The following SYNE2 variants were observed in gnomAD, a reference collection of about 807,000 sequenced individuals.
SYNE2 encodes the protein nesprin-2.
In SYNE2, 431 loss-of-function variants were observed where a neutral mutation model predicts 856.3. The observed-to-expected ratio is 0.50, with a 90% CI of 0.47 to 0.55. The LOEUF (loss-of-function observed/expected upper bound fraction) is 0.55. Ranked by LOEUF, SYNE2 falls within the 20% of genes least tolerant of loss-of-function variation. SYNE2 has a pLI of 0.00. For missense variants in SYNE2, 8,129 were observed against 8,023.2 expected (o/e 1.01, Z -0.50); for synonymous variants, 2,923 against 2,872.3 (o/e 1.02, Z -0.56).
intron 100 of SYNE2, among the ~76,000 whole-genome samples, chr14:64,206,521 T>A (rs958966466): frequency 6.6e-6 from 1 of 151,764 alleles, no homozygotes; most frequent in Non-Finnish European, 1.5e-5. Flanking sequence ...TTTTTAAAAA[T>A]TTTTTGAAAA....
chr14:63,853,381 G>A lies in SYNE2; in HGVS notation c.-52+238G>A, dbSNP rs923173255. Among the ~76,000 whole-genome samples the A allele has an allele frequency of 1.8e-4, 27 of 151,740 alleles. No individual in the cohort carries two copies. The East Asian group carries it at 3.1e-3, about 18-fold the overall frequency. ...CTTGTCAGCGGGCGGGGCGCTCCGG[G>A]GATTGGAGCGAGCGCCAGCGGGTGG... On this transcript the variant is annotated intron_variant, in intron 1 of 115. Coordinates refer to ENST00000555002, the MANE Select transcript of SYNE2 (RefSeq NM_182914.3).
At chr14:63,983,272 A>G (rs1379579472) in intron 17 of SYNE2, among the ~76,000 whole-genome samples, 1 of 152,222 alleles carries the variant, frequency 6.6e-6, no homozygotes, top group Non-Finnish European at 1.5e-5. Context: ...TTTATGAACA[A>G]TGCAGCTGTG....
intron 100 of SYNE2, among the ~76,000 whole-genome samples, chr14:64,207,070 A>C (rs1448446824): frequency 6.6e-6 from 1 of 152,206 alleles, no homozygotes; most frequent in African/African-American, 2.4e-5. Flanking sequence ...AGAGCTTTAA[A>C]GAAATCACCC....
At chr14:63,889,753 C>T (rs950181374) in intron 1 of SYNE2, among the ~76,000 whole-genome samples, 4 of 152,088 alleles carry the variant, frequency 2.6e-5, no homozygotes, top group African/African-American at 7.2e-5. Context: ...GCTGGGATTA[C>T]GGATGTGAGC....
intron 1 of SYNE2, among the ~76,000 whole-genome samples, chr14:63,847,340 C>G (rs1890260554): frequency 6.6e-6 from 1 of 151,522 alleles, no homozygotes; most frequent in African/African-American, 2.4e-5. Flanking sequence ...TGCTGTAGTC[C>G]CAGCTACTCA....
At chr14:63,810,037 CT>C (rs1260588315) in intron 1 of SYNE2, among the ~76,000 whole-genome samples, 2 of 152,128 alleles carry the variant, frequency 1.3e-5, no homozygotes, top group Non-Finnish European at 2.9e-5. Context: ...GCCTGGGCAA[CT>C]TAGCCAGACA....
intron 1 of SYNE2, among the ~76,000 whole-genome samples, chr14:63,881,280 A>G (rs2094857978): frequency 6.6e-6 from 1 of 152,074 alleles, no homozygotes; most frequent in Admixed American, 6.6e-5. Flanking sequence ...TACCCAGCCA[A>G]AGGAAACTTT....
chr14:64,113,388 G>A lies in SYNE2; in HGVS notation c.12657G>A (p.Ala4219=), dbSNP rs76668149. The A allele has an allele frequency of 7.9e-5, 127 of 1,614,104 alleles. No individual in the cohort carries two copies. Among genetic ancestry groups the A allele is most frequent in the East Asian group, 4.0e-4 (18 of 44,892 alleles). The part of the protein sequence containing the change: ...IEADTLDSSD[A]QGGLEPRVEK... ...CTGACACTCTGGACTCTTCTGACGC[G>A]CAAGGAGGTTTGGAGCCCAGGGTGG... is the stretch of plus-strand genomic sequence containing the variant. The change falls in exon 66 of 116, where the codon GCG becomes GCA. Residue 4219 remains alanine (A), a synonymous_variant. Coordinates refer to ENST00000555002, the MANE Select transcript of SYNE2 (RefSeq NM_182914.3).
In SYNE2 at chr14:64,076,068, T is replaced by C. The variant is rs372299859; in HGVS notation, c.10990T>C (p.Cys3664Arg). ...AGAGATTGAATCCCAGGTGGAAGAA[T>C]GCAGAAAAGCTTTAGAAGACATAGA... The part of the protein sequence containing the change: ...PAEIESQVEE[C>R]RKALEDIDEK... Residue 3664 changes from cysteine (C) to arginine (R), a missense_variant, in exon 54 of 116, where the codon TGC (cysteine) becomes CGC (arginine). By Grantham distance (180) the Cys-to-Arg change is radical. This residue lies in a region of SYNE2 where 5,410 missense variants were observed against 5,284.8 expected (regional missense o/e 1.02). Transcript: ENST00000555002. The C allele has an allele frequency of 3.7e-6, 6 of 1,613,884 alleles. No individual in the cohort carries two copies. Among genetic ancestry groups the C allele is most frequent in the South Asian group, 1.1e-5 (1 of 91,074 alleles).
At position 63,912,832 on chromosome 14, in the gene SYNE2, A is replaced by G. The variant is rs567162045; in HGVS notation, c.79+3605A>G. On this transcript the variant is annotated intron_variant, in intron 2 of 115. Coordinates refer to ENST00000555002, the MANE Select transcript of SYNE2 (RefSeq NM_182914.3). ...TGAAGATCAGGCAGTGCTTTGCCGA[A>G]ATTCATAGAGCAGGACGATAAGCAA... is the stretch of plus-strand genomic sequence containing the variant. 1.4e-4 allele frequency among the ~76,000 whole-genome samples: 21 copies of G among 152,352 alleles called. 1 individual carries two copies. The South Asian group carries it at 3.9e-3, about 29-fold the overall frequency.
Position 64,143,902 on chromosome 14 carries a change from A to G in SYNE2, c.15437A>G (p.Glu5146Gly). The change falls in exon 83 of 116, where the codon GAG (glutamate) becomes GGG (glycine). Residue 5146 changes from glutamate (E) to glycine (G), a missense_variant. By Grantham distance (98) the Glu-to-Gly change is moderately conservative (BLOSUM62 -2). Around this residue, in one of 3 missense-constraint regions of SYNE2, gnomAD observed 5,410 missense variants for 5,284.8 expected, o/e 1.02. Transcript: ENST00000555002. ...ACGGAGTTTGCAGAGCACCTGGGGG[A>G]GATGAACCGCCAGTGGCACCGTGTA... is the stretch of plus-strand genomic sequence containing the variant. ...ERTEFAEHLG[E>G]MNRQWHRVHG... The G allele has an allele frequency of 6.2e-7, 1 of 1,614,148 alleles. No homozygotes were observed. The highest frequency in any genetic ancestry group is 8.5e-7 in the Non-Finnish European group (1 of 1,180,014).
chr14:63,762,591 CTTTCTTTTTT>C (rs1886528161), intron 1 of SYNE2, among the ~76,000 whole-genome samples: 1 of 44,328 alleles, frequency 2.3e-5, no homozygotes, highest in Admixed American at 2.4e-4. Context: ...ATAATTTTTT[CTTTCTTTTTT>C]TTTTTTTTTT....
intron 1 of SYNE2, among the ~76,000 whole-genome samples, chr14:63,864,191 T>C (rs1258972846): frequency 1.3e-5 from 2 of 152,242 alleles, no homozygotes; most frequent in Admixed American, 1.3e-4. Flanking sequence ...GAATATCCTT[T>C]GTAGTCACTC....
intron 82 of SYNE2, among the ~76,000 whole-genome samples, chr14:64,143,136 C>A (rs930442330): frequency 6.6e-6 from 1 of 152,204 alleles, no homozygotes; most frequent in Non-Finnish European, 1.5e-5. Context: ...AGCAACCTAG[C>A]ACATACCACA....
chr14:64,170,607 C>T, intron 94 of SYNE2, 145 bp downstream of exon 94: 3 of 791,072 alleles, frequency 3.8e-6, no homozygotes, highest in Non-Finnish European at 6.4e-6. Flanking sequence ...GCAGTCACCA[C>T]CCCCCACAGC....
chr14:63,962,252 C>T (rs1349586488), intron 9 of SYNE2, among the ~76,000 whole-genome samples: 1 of 151,930 alleles, frequency 6.6e-6, no homozygotes, highest in Non-Finnish European at 1.5e-5. Flanking sequence ...GACTGGGTTT[C>T]ACCATGTTGG....
At chr14:64,007,331 C>T in intron 31 of SYNE2, 109 bp downstream of exon 31, 1 of 1,019,700 alleles carries the variant, frequency 9.8e-7, no homozygotes, top group Non-Finnish European at 1.6e-6. Context: ...AAAGGAGGGA[C>T]AAACATAAGG....
intron 99 of SYNE2, among the ~76,000 whole-genome samples, chr14:64,198,645 C>T (rs530754978): frequency 2.6e-5 from 4 of 152,298 alleles, no homozygotes; most frequent in Admixed American, 2.0e-4. Context: ...CCTTCCCCCC[C>T]TCTTTAACTT....
Position 63,982,857 on chromosome 14 carries a change from C to T in SYNE2, c.2001+63C>T, listed in dbSNP as rs2096597042. 3.3e-6 allele frequency: 5 copies of T among 1,524,904 alleles called. No homozygotes were observed. The Admixed American group carries it at 8.4e-5, about 26-fold the overall frequency. The allele number at this position is 1,524,904 out of a possible 1,614,324, so 94.5% of individuals were successfully genotyped here. ...TGATTCATGTACCACACAATTTACTCATTGTAAGTTCATAACCAATTGATT... is the reference window on the plus strand; with the variant it reads ...TGATTCATGTACCACACAATTTACTTATTGTAAGTTCATAACCAATTGATT... On this transcript the variant is annotated intron_variant, in intron 17 of 115. Transcript: ENST00000555002.
Sources: gnomAD v4.1 joint callset for allele counts (sites outside exome capture counted in the v4.1 genomes callset) on GRCh38, gnomAD v4.1.1 for gene constraint, gnomAD v4.1.1 regional missense constraint, MANE v1.5 for transcripts, NCBI Gene and HGNC (gene_info 2026-07-23, HGNC 2026-07-21) for gene names.